The following SAMD5 variants were observed in gnomAD, a reference collection of about 807,000 sequenced individuals.
SAMD5 encodes the protein sterile alpha motif domain-containing protein 5.
SAMD5 carries 13 observed loss-of-function variants against 11.3 expected under a neutral mutation model. The ratio of observed to expected loss-of-function variants is 1.15; its 90% confidence interval spans 0.75 to 1.83. The LOEUF is 1.83. Ranked by LOEUF, SAMD5 falls within the 40% of genes most tolerant of loss-of-function variation. The pLI is 0.00. For missense variants in SAMD5, 255 were observed against 239.1 expected, an observed-to-expected ratio of 1.07 and a Z score of -0.44; for synonymous variants, 129 against 111.3, an observed-to-expected ratio of 1.16 and a Z score of -1.00.
At chr6:147,696,853 A>G (rs1791183105) in intron 1 of SAMD5, among the ~76,000 whole-genome samples, 1 of 152,184 alleles carries the variant, frequency 6.6e-6, no homozygotes, top group Non-Finnish European at 1.5e-5. Context: ...GCCATTGCTT[A>G]TGGGTATTTT....
At chr6:147,616,947 G>A (rs1038308654) in intron 1 of SAMD5, among the ~76,000 whole-genome samples, 5 of 152,176 alleles carry the variant, frequency 3.3e-5, no homozygotes, top group Admixed American at 1.3e-4. Context: ...CCCTTGACAC[G>A]TGGGGATTAC....
At chr6:147,843,922 A>G in the SAMD5 span, among the ~76,000 whole-genome samples, 4 of 152,170 alleles carry the variant, frequency 2.6e-5, no homozygotes, top group Non-Finnish European at 5.9e-5. Context: ...CCGGCATTAC[A>G]TTGGTCTGGA....
intron 1 of SAMD5, among the ~76,000 whole-genome samples, chr6:147,707,298 ATGACT>A: frequency 6.6e-6 from 1 of 152,330 alleles, no homozygotes; most frequent in East Asian, 1.9e-4. Flanking sequence ...CTGATTTTTT[ATGACT>A]TAAGTAATTA....
chr6:147,867,019 C>T, the SAMD5 span, among the ~76,000 whole-genome samples: 2 of 152,098 alleles, frequency 1.3e-5, no homozygotes, highest in Non-Finnish European at 2.9e-5. Flanking sequence ...TAAATAGCAA[C>T]AATTTTATGA....
intron 1 of SAMD5, among the ~76,000 whole-genome samples, chr6:147,713,849 C>T (rs1326558199): frequency 6.6e-6 from 1 of 152,078 alleles, no homozygotes; most frequent in African/African-American, 2.4e-5. Flanking sequence ...CTTCCCTTGC[C>T]TCCCCTTTCA....
chr6:147,818,389 G>A, the SAMD5 span, among the ~76,000 whole-genome samples: 1 of 152,158 alleles, frequency 6.6e-6, no homozygotes, highest in South Asian at 2.1e-4. Flanking sequence ...GGTTTTGCAG[G>A]CACATACATG....
the SAMD5 span, among the ~76,000 whole-genome samples, chr6:147,768,468 A>G: frequency 0.022 from 3,327 of 152,276 alleles, 127 homozygotes; most frequent in African/African-American, 0.075. Flanking sequence ...ACTGCACTCC[A>G]GCCTGGGTGA....
chr6:147,913,336 T>G, the SAMD5 span, among the ~76,000 whole-genome samples: 1 of 152,118 alleles, frequency 6.6e-6, no homozygotes, highest in Non-Finnish European at 1.5e-5. Flanking sequence ...TGAAGCAGTT[T>G]TGAAACAATT....
chr6:147,807,955 G>C, the SAMD5 span, among the ~76,000 whole-genome samples: 1 of 152,174 alleles, frequency 6.6e-6, no homozygotes, highest in African/African-American at 2.4e-5. Flanking sequence ...TTTTAGTGGT[G>C]TATATACAGG....
chr6:147,532,091 C>G (rs991952455), intron 1 of SAMD5, among the ~76,000 whole-genome samples: 2 of 152,122 alleles, frequency 1.3e-5, no homozygotes, highest in Non-Finnish European at 2.9e-5. Context: ...TTACTATCCC[C>G]TAGAACAGTG....
chr6:147,770,715 A>AT, the SAMD5 span, among the ~76,000 whole-genome samples: 274 of 152,256 alleles, frequency 1.8e-3, 1 homozygote, highest in Non-Finnish European at 2.8e-3. Context: ...TTTGCTTTTT[A>AT]TTTTTTTATA....
the SAMD5 span, among the ~76,000 whole-genome samples, chr6:147,923,608 G>T: frequency 6.6e-6 from 1 of 152,168 alleles, no homozygotes; most frequent in Non-Finnish European, 1.5e-5. Flanking sequence ...TGAGAAAACT[G>T]GTTGAGGGAG....
intron 1 of SAMD5, among the ~76,000 whole-genome samples, chr6:147,736,770 A>T (rs1311584394): frequency 6.6e-6 from 1 of 152,166 alleles, no homozygotes; most frequent in African/African-American, 2.4e-5. Context: ...CTTAGCATTT[A>T]GTCTCAAAAC....
At chr6:147,771,239 A>C in the SAMD5 span, among the ~76,000 whole-genome samples, 1 of 152,208 alleles carries the variant, frequency 6.6e-6, no homozygotes, top group Non-Finnish European at 1.5e-5. Context: ...TAGCACTCAA[A>C]GATGCTCTGT....
the SAMD5 span, among the ~76,000 whole-genome samples, chr6:147,890,361 C>CTT: frequency 9.9e-4 from 139 of 140,754 alleles, no homozygotes; most frequent in African/African-American, 3.3e-3. Context: ...TTTCAATTAT[C>CTT]TTTTTTTTTT....
At chr6:147,606,204 G>A (rs1789697040) in intron 1 of SAMD5, among the ~76,000 whole-genome samples, 1 of 152,172 alleles carries the variant, frequency 6.6e-6, no homozygotes, top group African/African-American at 2.4e-5. Context: ...GCAGTAGACA[G>A]GACCCAAGAA....
chr6:147,924,607 G>A, the SAMD5 span, among the ~76,000 whole-genome samples: 3 of 151,806 alleles, frequency 2.0e-5, no homozygotes, highest in African/African-American at 4.8e-5. Flanking sequence ...GTCATAGGAA[G>A]TAGGAAAGTT....
chr6:147,594,914 T>C (rs1009963868), intron 1 of SAMD5, among the ~76,000 whole-genome samples: 1 of 152,380 alleles, frequency 6.6e-6, no homozygotes, highest in African/African-American at 2.4e-5. Context: ...AAGTTGGTGA[T>C]GCCTGCATCT....
chr6:147,691,957 A>G (rs996859975), intron 1 of SAMD5, among the ~76,000 whole-genome samples: 2 of 139,562 alleles, frequency 1.4e-5, no homozygotes, highest in Non-Finnish European at 3.1e-5. Context: ...GCCTTCAGCT[A>G]TAAGTAGGAT....
Sources: gnomAD v4.1 joint callset for allele counts (sites outside exome capture counted in the v4.1 genomes callset) on GRCh38, gnomAD v4.1.1 for gene constraint, MANE v1.5 for transcripts, NCBI Gene and HGNC (gene_info 2026-07-23, HGNC 2026-07-21) for gene names.